NCS1: variants seen among roughly 807,000 people sequenced by gnomAD.
The protein encoded by NCS1 is neuronal calcium sensor 1.
NCS1 carries 6 observed loss-of-function variants against 28.4 expected under a neutral mutation model. The ratio of observed to expected loss-of-function variants is 0.21; its 90% CI spans 0.12 to 0.42. NCS1 has a LOEUF of 0.42. Among genes scored for constraint, NCS1 ranks in the 10% least tolerant of loss-of-function variants. The pLI is 1.00. For synonymous variants in NCS1, 86 were observed against 99.3 expected (o/e 0.87, Z 0.79); for missense variants, 131 against 241.4 (o/e 0.54, Z 3.03).
rs1325074732 is a variant in NCS1 at position 130,175,549 on chromosome 9, T to TG, written c.64+2827dup. Among the ~76,000 whole-genome samples, 1 of 152,116 alleles carries TG rather than the reference T, an allele frequency of 6.6e-6. No homozygotes were observed. Among genetic ancestry groups the TG allele is most frequent in the Non-Finnish European group, 1.5e-5 (1 of 67,988 alleles). The stretch of plus-strand genomic sequence containing the variant: ...TGAAGACCACAGTTCCAGTGTATGC[T>TG]GGGGGTCCTAGCCCACCTCATGCAT... On this transcript the variant is annotated intron_variant, in intron 1 of 7. Coordinates refer to ENST00000372398, the MANE Select transcript of NCS1 (RefSeq NM_014286.4). This position sits in a 1 kb window ranked among gnomAD's most constrained non-coding sequence, Gnocchi z 4.9.
Position 130,215,614 on chromosome 9 carries a change from C to G in NCS1, c.90-2218C>G, listed in dbSNP as rs543440832. Among the ~76,000 whole-genome samples the G allele has an allele frequency of 6.6e-6, 1 of 152,314 alleles. No homozygotes were observed. Among genetic ancestry groups the G allele is most frequent in the South Asian group, 2.1e-4 (1 of 4,828 alleles). ...GCTGTGGATGAATCTCCTGATCTCTCTGTGCCTCAGTGCCTCATCTGTGAA... is the reference window on the plus strand; with the variant it reads ...GCTGTGGATGAATCTCCTGATCTCTGTGTGCCTCAGTGCCTCATCTGTGAA... On this transcript the variant is annotated intron_variant, in intron 2 of 7. Transcript: ENST00000372398. This position sits in a 1 kb window ranked among gnomAD's most constrained non-coding sequence, Gnocchi z 4.2.
chr9:130,174,408 G>C (rs1212838455), intron 1 of NCS1, among the ~76,000 whole-genome samples: 1 of 152,184 alleles, frequency 6.6e-6, no homozygotes, highest in Non-Finnish European at 1.5e-5. Context: ...TCCATTTACA[G>C]ATGGGGAAAC....
At chr9:130,182,355 G>T (rs1294218784) in intron 1 of NCS1, among the ~76,000 whole-genome samples, 6 of 152,200 alleles carry the variant, frequency 3.9e-5, no homozygotes, top group Non-Finnish European at 8.8e-5. Flanking sequence ...TCCCTGCCAA[G>T]GGGAGGGAGC....
chr9:130,190,065 A>AGAGAGAGAGAGAGAGAGAGAG (rs61046186), intron 1 of NCS1, among the ~76,000 whole-genome samples: 6 of 146,648 alleles, frequency 4.1e-5, no homozygotes, highest in African/African-American at 1.0e-4. Flanking sequence ...AGAGAGAGAG[A>AGAGAGAGAGAGAGAGAGAGAG]ATATATGTGG....
chr9:130,178,833 T>C (rs1832612331), intron 1 of NCS1, among the ~76,000 whole-genome samples: 2 of 57,458 alleles, frequency 3.5e-5, no homozygotes, highest in African/African-American at 1.5e-4. Context: ...AGGACTTGGT[T>C]TCCCTCCCCT....
At position 130,186,622 on chromosome 9, in the gene NCS1, A is replaced by T. The variant is rs1469830682; in HGVS notation, c.64+13895A>T. On this transcript the variant is annotated intron_variant, in intron 1 of 7. Transcript: ENST00000372398. This position sits in a 1 kb window ranked among gnomAD's most constrained non-coding sequence, Gnocchi z 4.1. Reference sequence around the variant, plus strand: ...CCAGCCCCAGGAAGGGGTGGGAGACACAGAGCTGGTCTCCATCACAGCTCA... The same window carrying T: ...CCAGCCCCAGGAAGGGGTGGGAGACTCAGAGCTGGTCTCCATCACAGCTCA... Among the ~76,000 whole-genome samples, 1 of 152,152 alleles carries T rather than the reference A, an allele frequency of 6.6e-6. No individual in the cohort carries two copies. Among genetic ancestry groups the T allele is most frequent in the East Asian group, 1.9e-4 (1 of 5,182 alleles).
rs2131143371 is a variant in NCS1, at chr9:130,209,899, C to T, written c.90-7933C>T. ...GATCGCAGGCCCCGTTCTTCACAGC[C>T]TGGGCCTGCCTCTGAGGTCTGGCAC... On this transcript the variant is annotated intron_variant, in intron 2 of 7. Coordinates refer to ENST00000372398, the MANE Select transcript of NCS1 (RefSeq NM_014286.4). This position sits in a 1 kb window ranked among gnomAD's most constrained non-coding sequence, Gnocchi z 4.4. Among the ~76,000 whole-genome samples the T allele has an allele frequency of 6.6e-6, 1 of 152,278 alleles. No individual in the cohort carries two copies. The highest frequency in any genetic ancestry group is 1.5e-5 in the Non-Finnish European group (1 of 68,026).
intron 2 of NCS1, among the ~76,000 whole-genome samples, chr9:130,208,711 G>A (rs1833065909): frequency 6.6e-6 from 1 of 152,264 alleles, no homozygotes; most frequent in Non-Finnish European, 1.5e-5. Flanking sequence ...GCCATGCAGA[G>A]TGGGCGCGGA....
chr9:130,184,773 G>A (rs1301248479), intron 1 of NCS1, among the ~76,000 whole-genome samples: 5 of 149,760 alleles, frequency 3.3e-5, no homozygotes, highest in Admixed American at 3.3e-4. Context: ...GATTACAGGC[G>A]TGCACCACCA....
intron 3 of NCS1, among the ~76,000 whole-genome samples, chr9:130,218,836 C>G (rs542275098): frequency 6.6e-6 from 1 of 152,240 alleles, no homozygotes; most frequent in South Asian, 2.1e-4. Context: ...GATGATCCAC[C>G]CACCTTGGTC....
chr9:130,174,411 G>C (rs556102762), intron 1 of NCS1, among the ~76,000 whole-genome samples: 1 of 152,284 alleles, frequency 6.6e-6, no homozygotes, highest in South Asian at 2.1e-4. Flanking sequence ...ATTTACAGAT[G>C]GGGAAACTAA....
chr9:130,231,877 G>GAA (rs71499227), intron 7 of NCS1, among the ~76,000 whole-genome samples: 1 of 135,720 alleles, frequency 7.4e-6, no homozygotes. Context: ...TATTTTCCAT[G>GAA]AAAAAAAAAA....
chr9:130,198,842 C>T (rs1044364944), intron 1 of NCS1, among the ~76,000 whole-genome samples: 6 of 152,106 alleles, frequency 3.9e-5, no homozygotes, highest in African/African-American at 9.7e-5. Flanking sequence ...TGTGATGGGT[C>T]GCCTGTGTCT....
At chr9:130,195,635 G>T (rs953192271) in intron 1 of NCS1, among the ~76,000 whole-genome samples, 27 of 152,240 alleles carry the variant, frequency 1.8e-4, no homozygotes, top group African/African-American at 5.8e-4. Flanking sequence ...TGTTGGCCAG[G>T]CTGGTCTCGA....
chr9:130,193,630 TGG>T lies in NCS1; in HGVS notation c.65-7324_65-7323del, dbSNP rs572464428. Among the ~76,000 whole-genome samples the T allele has an allele frequency of 2.6e-3, 376 of 144,768 alleles. 3 individuals carry two copies. Among genetic ancestry groups the T allele is most frequent in the Non-Finnish European group, 1.3e-3 (86 of 65,782 alleles). 95.0% of individuals were successfully genotyped at this position (144,768 alleles called of 152,430 possible). A position where few individuals can be genotyped will look rare whatever the true frequency, so the allele number is the denominator to read the frequency against. On this transcript the variant is annotated intron_variant, in intron 1 of 7. Coordinates refer to ENST00000372398, the MANE Select transcript of NCS1 (RefSeq NM_014286.4). ...CATCGGTGAGGAGCTTGGACGGGGG[TGG>T]GGGAGCTGAACTGCAGGAGGGGCCA...
chr9:130,201,283 G>A (rs1832944479), intron 2 of NCS1, among the ~76,000 whole-genome samples: 1 of 152,176 alleles, frequency 6.6e-6, no homozygotes, highest in African/African-American at 2.4e-5. Flanking sequence ...CAAAGAGAAG[G>A]GTTTGGATAA....
intron 1 of NCS1, among the ~76,000 whole-genome samples, chr9:130,187,260 T>C (rs1263870331): frequency 6.6e-6 from 1 of 152,130 alleles, no homozygotes; most frequent in Non-Finnish European, 1.5e-5. Flanking sequence ...CAGGCTGATG[T>C]GTCCGAGTCT....
At chr9:130,218,055 C>T (rs781841366) in intron 3 of NCS1, 85 bp downstream of exon 3, 19 of 1,553,024 alleles carry the variant, frequency 1.2e-5, no homozygotes, top group Admixed American at 3.3e-5. Flanking sequence ...TCTCTCCTGC[C>T]GATGTTCCCT....
intron 6 of NCS1, among the ~76,000 whole-genome samples, chr9:130,225,063 G>T (rs1435237729): frequency 6.6e-6 from 1 of 152,040 alleles, no homozygotes; most frequent in East Asian, 1.9e-4. Context: ...GTGGTGGTGT[G>T]CACCTGTGGT....
Sources: gnomAD v4.1 joint callset for allele counts (sites outside exome capture counted in the v4.1 genomes callset) on GRCh38, gnomAD v4.1.1 for gene constraint, Gnocchi (gnomAD v3.1) non-coding constraint, MANE v1.5 for transcripts, NCBI Gene and HGNC (gene_info 2026-07-23, HGNC 2026-07-21) for gene names.